The following PTPRD variants were observed in gnomAD, a reference collection of about 807,000 sequenced individuals.
The protein encoded by PTPRD is protein tyrosine phosphatase receptor type D.
Under a neutral mutation model 214.5 loss-of-function variants are expected in PTPRD, and 34 were observed. That is an observed-to-expected ratio of 0.16 (90% CI 0.12 to 0.21). PTPRD has a LOEUF of 0.21. PTPRD is among the 10% of genes least tolerant of loss of function. The pLI is 1.00. For missense variants in PTPRD, 2,545 were observed against 2,398.7 expected (o/e 1.06, Z -1.27); for synonymous variants, 1,128 against 845.7 (o/e 1.33, Z -5.79).
intron 3 of PTPRD, among the ~76,000 whole-genome samples, chr9:10,147,829 A>G (rs1333292625): frequency 1.3e-5 from 2 of 152,150 alleles, no homozygotes; most frequent in African/African-American, 4.8e-5. Flanking sequence ...GCAGTGAGTC[A>G]AGATCACGCC....
chr9:8,897,021 G>C (rs2098621468), intron 11 of PTPRD, among the ~76,000 whole-genome samples: 1 of 152,166 alleles, frequency 6.6e-6, no homozygotes, highest in Non-Finnish European at 1.5e-5. Flanking sequence ...GCTTTTGATA[G>C]GAGAAACTTT....
intron 9 of PTPRD, among the ~76,000 whole-genome samples, chr9:9,352,369 G>GTA (rs1442142069): frequency 3.0e-5 from 4 of 133,508 alleles, no homozygotes; most frequent in Admixed American, 2.3e-4. Flanking sequence ...ATGTGTGTGT[G>GTA]TGTATATATA....
At chr9:9,093,677 C>A (rs566422718) in intron 10 of PTPRD, among the ~76,000 whole-genome samples, 1 of 150,332 alleles carries the variant, frequency 6.7e-6, no homozygotes, top group African/African-American at 2.4e-5. Context: ...GGCGGGGGGG[C>A]GGATGTAGCT....
intron 3 of PTPRD, among the ~76,000 whole-genome samples, chr9:10,243,115 G>A (rs1595149355): frequency 6.6e-6 from 1 of 152,084 alleles, no homozygotes; most frequent in East Asian, 1.9e-4. Flanking sequence ...CAATTTAACT[G>A]ATCCCTGTCA....
intron 12 of PTPRD, among the ~76,000 whole-genome samples, chr9:8,724,508 C>T (rs1422954942): frequency 1.3e-5 from 2 of 152,130 alleles, no homozygotes; most frequent in Non-Finnish European, 2.9e-5. Flanking sequence ...CACCATGCTG[C>T]CTCATTGCTC....
chr9:9,749,539 G>A (rs2098494474), intron 6 of PTPRD, among the ~76,000 whole-genome samples: 1 of 152,096 alleles, frequency 6.6e-6, no homozygotes, highest in Non-Finnish European at 1.5e-5. Context: ...ATTATTATCA[G>A]ATCAATCATT....
At position 9,642,311 on chromosome 9, in the gene PTPRD, G is replaced by T. The variant is rs1189578224; in HGVS notation, c.-286-67530C>A. Reference sequence around the variant, plus strand: ...GGATAGCATTGGGAGATATACCTAAGGCTAGATGACGAGTTAGTGGGTGCA... The same window carrying T: ...GGATAGCATTGGGAGATATACCTAATGCTAGATGACGAGTTAGTGGGTGCA... On this transcript the variant is annotated intron_variant, in intron 7 of 45. Coordinates refer to ENST00000381196, the MANE Select transcript of PTPRD (RefSeq NM_002839.4). Among the ~76,000 whole-genome samples the T allele has an allele frequency of 4.8e-5, 7 of 147,228 alleles. No individual in the cohort carries two copies. In the East Asian group the frequency reaches 6.0e-4, roughly 13 times the overall value.
chr9:9,913,106 G>A (rs7853575), intron 5 of PTPRD, among the ~76,000 whole-genome samples: 36,116 of 151,956 alleles, frequency 0.24, 5,271 homozygotes, highest in African/African-American at 0.42. Flanking sequence ...TCAACAGAAA[G>A]TGTGACAATA....
chr9:9,777,958 G>C (rs1024679965), intron 5 of PTPRD, among the ~76,000 whole-genome samples: 4 of 152,124 alleles, frequency 2.6e-5, no homozygotes, highest in African/African-American at 7.2e-5. Flanking sequence ...TGCTAGAAAA[G>C]CATGGACAAA....
chr9:8,770,299 TAGAA>T (rs975683020), intron 11 of PTPRD, among the ~76,000 whole-genome samples: 6 of 148,402 alleles, frequency 4.0e-5, no homozygotes, highest in African/African-American at 1.5e-4. Context: ...AATAAATAAA[TAGAA>T]AGAAAGAAAG....
chr9:9,675,045 T>C (rs904121750), intron 7 of PTPRD, among the ~76,000 whole-genome samples: 3 of 151,902 alleles, frequency 2.0e-5, no homozygotes, highest in Non-Finnish European at 2.9e-5. Flanking sequence ...CAAGATCATA[T>C]TCAAAATTTA....
intron 8 of PTPRD, among the ~76,000 whole-genome samples, chr9:9,420,392 G>A (rs1569568163): frequency 6.6e-6 from 1 of 151,796 alleles, no homozygotes; most frequent in African/African-American, 2.4e-5. Context: ...TCAACTAGCT[G>A]TTACTGCCTC....
chr9:9,878,562 T>A (rs976343638), intron 5 of PTPRD, among the ~76,000 whole-genome samples: 1 of 152,130 alleles, frequency 6.6e-6, no homozygotes, highest in Non-Finnish European at 1.5e-5. Context: ...AGTTAGAAAA[T>A]AGAGAAAATG....
At chr9:8,508,064 T>C (rs1406049100) in intron 21 of PTPRD, among the ~76,000 whole-genome samples, 1 of 152,178 alleles carries the variant, frequency 6.6e-6, no homozygotes, top group Non-Finnish European at 1.5e-5. Flanking sequence ...TGTTAAATTA[T>C]TTAAAGAACT....
intron 9 of PTPRD, among the ~76,000 whole-genome samples, chr9:9,288,996 G>C (rs1039726358): frequency 1.3e-5 from 2 of 151,772 alleles, no homozygotes; most frequent in Non-Finnish European, 2.9e-5. Context: ...CGAACTGTGA[G>C]TCAACTAAAC....
At chr9:9,813,518 A>G (rs1007978506) in intron 5 of PTPRD, among the ~76,000 whole-genome samples, 2 of 152,116 alleles carry the variant, frequency 1.3e-5, no homozygotes, top group Non-Finnish European at 2.9e-5. Flanking sequence ...GATAGCCTAG[A>G]AGAAATTAAT....
At chr9:8,366,337 G>A (rs78851698) in intron 39 of PTPRD, among the ~76,000 whole-genome samples, 10,106 of 152,078 alleles carry the variant, frequency 0.066, 433 homozygotes, top group Middle Eastern at 0.11. Flanking sequence ...CTGTGCACTG[G>A]TGAAACACTT....
At chr9:9,923,171 A>C (rs992566860) in intron 5 of PTPRD, among the ~76,000 whole-genome samples, 4 of 149,728 alleles carry the variant, frequency 2.7e-5, no homozygotes, top group Admixed American at 2.7e-4. Context: ...AAGGAAGCAA[A>C]TAAGACAAAT....
chr9:9,188,573 G>A (rs539941133), intron 9 of PTPRD, among the ~76,000 whole-genome samples: 270 of 152,182 alleles, frequency 1.8e-3, no homozygotes, highest in African/African-American at 6.3e-3. Context: ...AAAGAGGAGA[G>A]AGGGAGTGAA....
Sources: gnomAD v4.1 joint callset for allele counts (sites outside exome capture counted in the v4.1 genomes callset) on GRCh38, gnomAD v4.1.1 for gene constraint, MANE v1.5 for transcripts, NCBI Gene and HGNC (gene_info 2026-07-23, HGNC 2026-07-21) for gene names.